Variants in PCSK5 observed in about 807,000 individuals in gnomAD.
The protein encoded by PCSK5 is prohormone convertase 5.
Under a neutral mutation model 233.2 loss-of-function variants are expected in PCSK5, and 129 were observed. The ratio of observed to expected loss-of-function variants is 0.55; its 90% CI spans 0.48 to 0.64. The LOEUF is 0.64. Among genes scored for constraint, PCSK5 ranks in the 30% least tolerant of loss-of-function variants. The pLI is 0.00. For missense variants in PCSK5, 2,076 were observed against 2,430.1 expected (o/e 0.85, Z 3.06); for synonymous variants, 825 against 879.2 (o/e 0.94, Z 1.09).
chr9:76,288,527 G>A (rs2131400869), intron 24 of PCSK5, among the ~76,000 whole-genome samples: 1 of 152,334 alleles, frequency 6.6e-6, no homozygotes, highest in East Asian at 1.9e-4. Flanking sequence ...AAGGCAGAAG[G>A]ATCACTTGGG....
chr9:76,135,404 C>T (rs1822928975), intron 10 of PCSK5, among the ~76,000 whole-genome samples: 1 of 152,006 alleles, frequency 6.6e-6, no homozygotes, highest in Non-Finnish European at 1.5e-5. Context: ...TCACAGAAAG[C>T]TTCACTCTAT....
chr9:76,105,695 T>A (rs1831949906), intron 8 of PCSK5, among the ~76,000 whole-genome samples: 1 of 152,188 alleles, frequency 6.6e-6, no homozygotes, highest in Non-Finnish European at 1.5e-5. Flanking sequence ...CATTCATTCA[T>A]TCAGGAAAAC....
At chr9:75,992,899 T>G (rs563069936) in intron 3 of PCSK5, among the ~76,000 whole-genome samples, 1 of 152,314 alleles carries the variant, frequency 6.6e-6, no homozygotes, top group East Asian at 1.9e-4. Context: ...TTAGCTGAGT[T>G]CGGTTATGCG....
At chr9:75,914,996 C>T (rs1822919665) in intron 1 of PCSK5, among the ~76,000 whole-genome samples, 1 of 152,168 alleles carries the variant, frequency 6.6e-6, no homozygotes, top group Non-Finnish European at 1.5e-5. Context: ...GTTTACAGTT[C>T]TACCTTGGTG....
chr9:76,006,021 CTT>C (rs374786942), intron 3 of PCSK5, among the ~76,000 whole-genome samples: 2 of 143,032 alleles, frequency 1.4e-5, no homozygotes, highest in Admixed American at 7.0e-5. Context: ...CCACCACGCC[CTT>C]TTTTTTTTTT....
chr9:76,130,120 T>C (rs1822699515), intron 9 of PCSK5, among the ~76,000 whole-genome samples: 1 of 152,108 alleles, frequency 6.6e-6, no homozygotes, highest in African/African-American at 2.4e-5. Context: ...AATCATATGA[T>C]TTTCCTGGTG....
chr9:76,265,519 A>G lies in PCSK5; in HGVS notation c.3142+24835A>G, dbSNP rs369624594. 1.2e-3 allele frequency among the ~76,000 whole-genome samples: 178 copies of G among 152,306 alleles called. 1 individual carries two copies. Among genetic ancestry groups the G allele is most frequent in the Non-Finnish European group, 2.3e-3 (157 of 68,020 alleles). On this transcript the variant is annotated intron_variant, in intron 24 of 37. Transcript: ENST00000674117. ...TAAATAAATGAGATGAATAAATGCA[A>G]TGCATGATCCTAGAATAGATCTCTA...
In PCSK5 at chr9:76,296,661, A is replaced by G. The variant is rs770583141; in HGVS notation, c.3323-4A>G. 1.3e-5 allele frequency: 21 copies of G among 1,601,944 alleles called. No homozygotes were observed. Among genetic ancestry groups the G allele is most frequent in the Non-Finnish European group, 1.5e-5 (18 of 1,169,952 alleles). The stretch of plus-strand genomic sequence containing the variant: ...TCATGCTTTCTCTCTGTGTTCTCAC[A>G]TAGGTGGCAGTTGTGTGAGGAAATG... On this transcript the variant is annotated splice_polypyrimidine_tract_variant and splice_region_variant and intron_variant, in intron 26 of 37. Coordinates refer to ENST00000674117, the MANE Select transcript of PCSK5 (RefSeq NM_001372043.1).
intron 20 of PCSK5, among the ~76,000 whole-genome samples, chr9:76,219,345 G>A (rs775551830): frequency 7.2e-5 from 11 of 152,086 alleles, no homozygotes; most frequent in East Asian, 3.9e-4. Context: ...ACACTGCAGC[G>A]GTATTTTCAA....
At chr9:76,141,135 G>A (rs1271825648) in intron 10 of PCSK5, among the ~76,000 whole-genome samples, 2 of 152,050 alleles carry the variant, frequency 1.3e-5, no homozygotes, top group Non-Finnish European at 2.9e-5. Flanking sequence ...GAGGATGTCA[G>A]TCCAAAAGTG....
At chr9:76,113,544 T>C (rs1195978544) in intron 9 of PCSK5, among the ~76,000 whole-genome samples, 10 of 152,130 alleles carry the variant, frequency 6.6e-5, no homozygotes. Flanking sequence ...ATATTTGGGA[T>C]ACAGTGACTG....
chr9:76,289,513 A>AACACACACACACACACAC (rs1828211833), intron 24 of PCSK5, among the ~76,000 whole-genome samples: 1 of 75,796 alleles, frequency 1.3e-5, no homozygotes, highest in Non-Finnish European at 2.7e-5. Flanking sequence ...ACACACACGC[A>AACACACACACACACACAC]ACATACACAC....
intron 24 of PCSK5, among the ~76,000 whole-genome samples, chr9:76,285,861 T>C (rs945017782): frequency 2.0e-5 from 3 of 152,210 alleles, no homozygotes; most frequent in African/African-American, 7.2e-5. Context: ...AGTATGTTCC[T>C]CTTTTTTTGA....
chr9:76,337,717 A>G (rs1164590004), intron 34 of PCSK5, among the ~76,000 whole-genome samples: 1 of 150,602 alleles, frequency 6.6e-6, no homozygotes, highest in Non-Finnish European at 1.5e-5. Context: ...CAAGTGATCC[A>G]CCCATGTCGG....
At chr9:76,352,252 C>T (rs1230620569) in intron 36 of PCSK5, among the ~76,000 whole-genome samples, 1 of 152,154 alleles carries the variant, frequency 6.6e-6, no homozygotes, top group East Asian at 1.9e-4. Flanking sequence ...CATTTGTAAA[C>T]TGCCACGGCG....
At chr9:76,291,598 T>C (rs574966183) in intron 24 of PCSK5, among the ~76,000 whole-genome samples, 1 of 152,156 alleles carries the variant, frequency 6.6e-6, no homozygotes, top group Non-Finnish European at 1.5e-5. Flanking sequence ...GCTGAGATGA[T>C]GACTCTCAAA....
chr9:76,063,603 C>A (rs1830121833), intron 5 of PCSK5, among the ~76,000 whole-genome samples: 1 of 42,810 alleles, frequency 2.3e-5, no homozygotes, highest in African/African-American at 1.3e-4. Context: ...CCATTTAACC[C>A]TGAGTGGACA....
At chr9:76,357,906 A>G (rs1830341910) in intron 37 of PCSK5, among the ~76,000 whole-genome samples, 6 of 152,228 alleles carry the variant, frequency 3.9e-5, no homozygotes, top group Admixed American at 3.9e-4. Flanking sequence ...GTTGGCCCAG[A>G]CTTAAGGGTA....
At chr9:76,108,825 T>C (rs1467681991) in intron 9 of PCSK5, among the ~76,000 whole-genome samples, 3 of 152,180 alleles carry the variant, frequency 2.0e-5, no homozygotes, top group African/African-American at 7.2e-5. Context: ...GCTGCCCCTC[T>C]GTAAGACGGA....
Sources: gnomAD v4.1 joint callset for allele counts (sites outside exome capture counted in the v4.1 genomes callset) on GRCh38, gnomAD v4.1.1 for gene constraint, MANE v1.5 for transcripts, NCBI Gene and HGNC (gene_info 2026-07-23, HGNC 2026-07-21) for gene names.